The following ARFRP1 variants were observed in gnomAD, a reference collection of about 807,000 sequenced individuals.
ARFRP1 encodes the protein ADP-ribosylation factor-related protein 1.
Under a neutral mutation model 30.3 loss-of-function variants are expected in ARFRP1, and 19 were observed. That is an observed-to-expected ratio of 0.63 (90% CI 0.44 to 0.92). ARFRP1 has a LOEUF of 0.92. Among genes scored for constraint, ARFRP1 ranks in the 40% least tolerant of loss-of-function variants. ARFRP1 has a pLI of 0.00. For missense variants in ARFRP1, 245 were observed against 267.5 expected (o/e 0.92, Z 0.59); for synonymous variants, 133 against 114.2 (o/e 1.16, Z -1.05).
At chr20:63,701,073 A>G (rs1025257132) in intron 6 of ARFRP1, 6 of 400,128 alleles carry the variant, frequency 1.5e-5, no homozygotes, top group Middle Eastern at 5.9e-4. Flanking sequence ...GGAGCCCTGC[A>G]TCAGTGATGG....
chr20:63,701,419 C>T (rs374986271), intron 6 of ARFRP1: 11 of 515,096 alleles, frequency 2.1e-5, no homozygotes, highest in African/African-American at 1.2e-4. Flanking sequence ...GGGGGTGGGG[C>T]TGGCACAGAT....
chr20:63,701,787 G>A (rs1179249109), intron 6 of ARFRP1, 43 bp downstream of exon 6: 3 of 1,533,758 alleles, frequency 2.0e-6, no homozygotes, highest in Non-Finnish European at 2.6e-6. Context: ...GGGGGAGGCT[G>A]GGGACTCGGG....
At chr20:63,701,147 C>T (rs1406039616) in intron 6 of ARFRP1, 1 of 446,492 alleles carries the variant, frequency 2.2e-6, no homozygotes, top group Non-Finnish European at 4.7e-6. Context: ...AAAAGCAGCC[C>T]TCCCCTCCCC....
At chr20:63,704,136 C>A (rs2145569905) in intron 4 of ARFRP1, 1 of 152,406 alleles carries the variant, frequency 6.6e-6, no homozygotes, top group South Asian at 2.1e-4. Context: ...AACCCAGGGT[C>A]CAGCCCCAGG....
chr20:63,702,868 G>A (rs2257885), intron 4 of ARFRP1: 29,632 of 152,560 alleles, frequency 0.19, 3,907 homozygotes, highest in East Asian at 0.63. Context: ...ACTGACCAGC[G>A]CCATCTACGA....
At chr20:63,701,998 G>GTCCCCCCCCCC in intron 5 of ARFRP1, 98 bp from the exon 6 acceptor site, 1 of 583,914 alleles carries the variant, frequency 1.7e-6, no homozygotes, top group Non-Finnish European at 2.6e-6. Flanking sequence ...CACTCCCTCT[G>GTCCCCCCCCCC]CCCCCCCCCC....
Position 63,700,611 on chromosome 20 carries a change from GC to G in ARFRP1, c.508del (p.Ala170ProfsTer15), listed in dbSNP as rs1295260034. 1 of 1,610,594 alleles carries G rather than the reference GC, an allele frequency of 6.2e-7. No homozygotes were observed. ...RRDCLTQACS[A>X]LTGKGVREGI... ...TGCAGCCCCCACTCACCCTGTGAGG[GC>G]CGAGCAGGCCTGGGTCAGGCAATCT... On this transcript the variant is annotated frameshift_variant, in exon 7 of 8. Coordinates refer to ENST00000622789, the MANE Select transcript of ARFRP1 (RefSeq NM_001267547.3). LOFTEE classifies it high-confidence loss of function.
intron 4 of ARFRP1, chr20:63,704,565 CAAGG>C (rs898655681): frequency 1.3e-5 from 2 of 152,226 alleles, no homozygotes; most frequent in African/African-American, 4.8e-5. Flanking sequence ...GGAGGGCACT[CAAGG>C]AAGGGCTGTG....
At chr20:63,700,953 C>T (rs1318400703) in intron 6 of ARFRP1, among the ~76,000 whole-genome samples, 1 of 152,204 alleles carries the variant, frequency 6.6e-6, no homozygotes, top group African/African-American at 2.4e-5. Flanking sequence ...CCCATCCCCT[C>T]CCTGGGGGAC....
chr20:63,707,128 C>T (rs1225326429), intron 1 of ARFRP1, 31 bp from the exon 2 acceptor site: 1 of 1,550,208 alleles, frequency 6.5e-7, no homozygotes. Flanking sequence ...CAGTGTGCAG[C>T]CAGAAAGCAC....
intron 5 of ARFRP1, 43 bp from the exon 6 acceptor site, chr20:63,701,943 G>T (rs751956494): frequency 6.6e-7 from 1 of 1,526,436 alleles, no homozygotes; most frequent in South Asian, 1.2e-5. Context: ...CCAGCATCCT[G>T]CCTCTGACTG....
intron 3 of ARFRP1, 99 bp downstream of exon 3, chr20:63,706,552 A>AGAGG (rs2091472860): frequency 1.3e-6 from 2 of 1,518,182 alleles, no homozygotes. Flanking sequence ...ATGAGACTTG[A>AGAGG]GAGGGGCCCG....
intron 6 of ARFRP1, 104 bp from the exon 7 acceptor site, chr20:63,700,806 A>G (rs1421031475): frequency 6.9e-7 from 1 of 1,449,252 alleles, no homozygotes; most frequent in Non-Finnish European, 9.3e-7. Context: ...CCAGGGAAAC[A>G]GCCAGAGCTC....
Position 63,706,713 on chromosome 20 carries a change from C to T in ARFRP1, c.119G>A (p.Arg40Gln). 6.2e-7 allele frequency: 1 copy of T among 1,613,956 alleles called. No homozygotes were observed. Among genetic ancestry groups the T allele is most frequent in the Non-Finnish European group, 8.5e-7 (1 of 1,179,888 alleles). Residue 40 changes from arginine (R) to glutamine (Q), a missense_variant, in exon 3 of 8, where the codon CGA becomes CAA. Physicochemically the swap from Arg to Gln is conservative, Grantham distance 43. Transcript: ENST00000622789. Reference protein sequence around the residue: ...KTTFLEQSKTRFNKNYKGMSL... With the variant: ...KTTFLEQSKTQFNKNYKGMSL... ...CATCCCCTTGTAGTTCTTGTTAAAT[C>T]GGGTTTTCGACTGCTCCAGGAAGGT...
Position 63,698,720 on chromosome 20 carries a change from G to A in ARFRP1, c.*1723C>T, listed in dbSNP as rs561810594. On this transcript the variant is annotated 3_prime_UTR_variant, in exon 8 of 8. Transcript: ENST00000622789. ...TTGCACAGCTACTGGGAGGGCAGCCGGGGACACCTGAGCCGCCCGCTGTGC... is the reference window on the plus strand; with the variant it reads ...TTGCACAGCTACTGGGAGGGCAGCCAGGGACACCTGAGCCGCCCGCTGTGC... The A allele has an allele frequency of 5.9e-5, 55 of 933,748 alleles. No homozygotes were observed. The highest frequency in any genetic ancestry group is 9.2e-5 in the South Asian group (4 of 43,402). 57.8% of individuals were successfully genotyped at this position (933,748 alleles called of 1,614,324 possible).
chr20:63,698,829 G>A lies in ARFRP1; in HGVS notation c.*1614C>T, dbSNP rs2091050780. 5.7e-6 allele frequency: 2 copies of A among 350,104 alleles called. No individual in the cohort carries two copies. The highest frequency in any genetic ancestry group is 1.0e-5 in the Non-Finnish European group (2 of 197,240). 21.7% of individuals were successfully genotyped at this position (350,104 alleles called of 1,614,324 possible). On this transcript the variant is annotated 3_prime_UTR_variant, in exon 8 of 8. Transcript: ENST00000622789. ...ACAGACCCTCCCTGGGAGGATCAGT[G>A]GGGAGTGCCACCTCTGCCCCCAGTG...
chr20:63,702,408 G>A (rs2091259924), intron 4 of ARFRP1, 191 bp from the exon 5 acceptor site: 2 of 602,476 alleles, frequency 3.3e-6, no homozygotes, highest in East Asian at 5.7e-5. Flanking sequence ...CCCAGACGCT[G>A]CTCCTGAGAA....
intron 4 of ARFRP1, 75 bp from the exon 5 acceptor site, chr20:63,702,292 G>A (rs1205971559): frequency 2.1e-6 from 3 of 1,401,052 alleles, no homozygotes; most frequent in Non-Finnish European, 3.0e-6. Context: ...CTGTGTCATG[G>A]CCACAGTGAG....
intron 4 of ARFRP1, chr20:63,705,738 C>T (rs1172853546): frequency 1.9e-6 from 1 of 533,084 alleles, no homozygotes; most frequent in Non-Finnish European, 3.8e-6. Flanking sequence ...AAAGGAGGCA[C>T]TCACTTTGGA....
Sources: allele counts gnomAD v4.1 joint callset (sites outside exome capture counted in the v4.1 genomes callset), GRCh38; gene constraint gnomAD v4.1.1; transcripts MANE v1.5; gene names NCBI Gene and HGNC (gene_info 2026-07-23, HGNC 2026-07-21).